Variants in WDPCP observed in about 807,000 individuals in gnomAD.
WDPCP encodes the protein WD repeat-containing and planar cell polarity effector protein fritz homolog.
WDPCP carries 71 observed loss-of-function variants against 93.1 expected under a neutral mutation model. That is an observed-to-expected ratio of 0.76 (90% CI 0.63 to 0.93). The LOEUF is 0.93. Ranked by LOEUF, WDPCP falls within the 40% of genes least tolerant of loss-of-function variation. The pLI, the probability that WDPCP is intolerant of heterozygous loss-of-function variation, is 0.00. For missense variants in WDPCP, 844 were observed against 887.4 expected (o/e 0.95, Z 0.62); for synonymous variants, 315 against 315.0 (o/e 1.00, Z 0.00).
At chr2:63,142,903 CATAT>C (rs1444591881) in intron 17 of WDPCP, among the ~76,000 whole-genome samples, 1 of 141,370 alleles carries the variant, frequency 7.1e-6, no homozygotes, top group East Asian at 2.4e-4. Flanking sequence ...TACACACATA[CATAT>C]ATATACACAT....
chr2:63,597,452 A>C, intron 3 of WDPCP: 1 of 1,503,826 alleles, frequency 6.6e-7, no homozygotes, highest in South Asian at 1.3e-5. Flanking sequence ...GGATGTGGCC[A>C]TTCTTGTGGG....
chr2:63,602,108 G>A (rs72806052), intron 3 of WDPCP, among the ~76,000 whole-genome samples: 29 of 152,288 alleles, frequency 1.9e-4, no homozygotes, highest in Non-Finnish European at 3.7e-4. Context: ...AAGACTTGCA[G>A]GGATTAGATC....
intron 14 of WDPCP, among the ~76,000 whole-genome samples, chr2:63,182,645 T>C (rs72890561): frequency 8.5e-5 from 13 of 152,148 alleles, no homozygotes; most frequent in African/African-American, 2.9e-4. Flanking sequence ...ATCAGAATAA[T>C]ACTGGCTCTG....
At position 63,259,403 on chromosome 2, in the gene WDPCP, G is replaced by A; in HGVS notation, c.1819C>T (p.His607Tyr). ...VGARDLFMDI[H>Y]YLALDKGELA... ...TCACCTTTATCTAGTGCAAGGTAAT[G>A]AATATCCTGAGGAAATAAAGCAAAA... is the stretch of plus-strand genomic sequence containing the variant. Residue 607 changes from histidine to tyrosine, a missense_variant, in exon 14 of 18, where the codon CAT becomes TAT. By Grantham distance (83) the His-to-Tyr change is moderately conservative (BLOSUM62 2). Coordinates refer to ENST00000272321, the MANE Select transcript of WDPCP (RefSeq NM_015910.7). 6.2e-7 allele frequency: 1 copy of A among 1,609,744 alleles called. No homozygotes were observed. Among genetic ancestry groups the A allele is most frequent in the Non-Finnish European group, 8.5e-7 (1 of 1,178,520 alleles).
At position 63,162,413 on chromosome 2, in the gene WDPCP, A is replaced by C. The variant is rs1294951681; in HGVS notation, c.2079-8839T>G. 2.0e-5 allele frequency among the ~76,000 whole-genome samples: 3 copies of C among 152,176 alleles called. No homozygotes were observed. In the East Asian group the frequency reaches 5.8e-4, roughly 29 times the overall value. ...TGGACATTTCTGTAACATCTCTTTC[A>C]TTGACTTCATGAAACATTGTTTTTG... is the stretch of plus-strand genomic sequence containing the variant. On this transcript the variant is annotated intron_variant, in intron 15 of 17. Transcript: ENST00000272321.
At chr2:63,153,019 C>A (rs1482377437) in intron 16 of WDPCP, 74 bp from the exon 17 acceptor site, 1 of 1,241,912 alleles carries the variant, frequency 8.1e-7, no homozygotes, top group African/African-American at 1.5e-5. Flanking sequence ...TTTTACAACA[C>A]TAAAAACAGA....
intron 1 of WDPCP, among the ~76,000 whole-genome samples, chr2:63,509,441 G>C (rs968851669): frequency 6.6e-6 from 1 of 152,162 alleles, no homozygotes; most frequent in Non-Finnish European, 1.5e-5. Context: ...CCAGTGTTTA[G>C]AGGAAAATTT....
At chr2:63,561,262 A>C (rs1300610239) in intron 1 of WDPCP, among the ~76,000 whole-genome samples, 3 of 152,150 alleles carry the variant, frequency 2.0e-5, no homozygotes, top group African/African-American at 4.8e-5. Flanking sequence ...GCGGATCATG[A>C]GGTCAGGAGA....
chr2:63,200,702 T>A (rs1675839437), intron 14 of WDPCP, among the ~76,000 whole-genome samples: 1 of 152,076 alleles, frequency 6.6e-6, no homozygotes, highest in Non-Finnish European at 1.5e-5. Flanking sequence ...TGAGGATGTT[T>A]ATTGGGTACA....
rs756248107 is a variant in WDPCP, at chr2:63,120,191, A to T, written c.*1815T>A. ...ACAAAACCCTATTTTTTTAAATACAATTTTTTCTCTAAAAATTAGTTAACT... is the reference window on the plus strand; with the variant it reads ...ACAAAACCCTATTTTTTTAAATACATTTTTTTCTCTAAAAATTAGTTAACT... On this transcript the variant is annotated 3_prime_UTR_variant, in exon 18 of 18. Transcript: ENST00000272321. Among the ~76,000 whole-genome samples the T allele has an allele frequency of 2.0e-5, 3 of 152,264 alleles. No homozygotes were observed. Among genetic ancestry groups the T allele is most frequent in the East Asian group, 1.9e-4 (1 of 5,190 alleles).
At chr2:63,838,636 A>G in the WDPCP span, among the ~76,000 whole-genome samples, 47 of 152,228 alleles carry the variant, frequency 3.1e-4, no homozygotes, top group African/African-American at 1.1e-3. Context: ...ATTTCTAATG[A>G]TACAGATTAT....
At chr2:63,172,443 G>T (rs1297450308) in intron 15 of WDPCP, among the ~76,000 whole-genome samples, 3 of 152,094 alleles carry the variant, frequency 2.0e-5, no homozygotes, top group Admixed American at 1.3e-4. Context: ...GGGAGGTCAA[G>T]GCTGCAGTAA....
rs576724630 is a variant in WDPCP, at chr2:63,781,519, C to T, written n.308+32103G>A. ...TCAGCATCATTTATTGAGTGCTTAC[C>T]CTAGGCACTGTACAGTCACTATGCT... On this transcript the variant is annotated intron_variant and non_coding_transcript_variant, in intron 2 of 4. Transcript: ENST00000467687. Among the ~76,000 whole-genome samples the T allele has an allele frequency of 3.6e-4, 54 of 152,112 alleles. 1 individual carries two copies. Among genetic ancestry groups the T allele is most frequent in the African/African-American group, 1.2e-3 (51 of 41,474 alleles).
intron 2 of WDPCP, among the ~76,000 whole-genome samples, chr2:63,780,861 C>T (rs1444751677): frequency 1.3e-5 from 2 of 152,112 alleles, no homozygotes; most frequent in Non-Finnish European, 2.9e-5. Flanking sequence ...TGTAATGAAG[C>T]CCTTTTAGAC....
At chr2:63,599,292 A>C (rs373786672) in intron 3 of WDPCP, 72 of 1,609,208 alleles carry the variant, frequency 4.5e-5, no homozygotes, top group Non-Finnish European at 6.1e-5. Context: ...CTAAAGCTCA[A>C]GTAAGAAAAA....
intron 2 of WDPCP, among the ~76,000 whole-genome samples, chr2:63,712,206 G>C (rs1669273518): frequency 6.6e-6 from 1 of 152,224 alleles, no homozygotes; most frequent in South Asian, 2.1e-4. Flanking sequence ...TGTGCCAGCT[G>C]AAAGGATATT....
upstream of WDPCP, among the ~76,000 whole-genome samples, chr2:63,832,492 G>A (rs1575785060): frequency 3.3e-5 from 5 of 152,300 alleles, no homozygotes; most frequent in South Asian, 8.3e-4. Flanking sequence ...AAAGAGCAAG[G>A]GGCACAGGGA....
intron 13 of WDPCP, among the ~76,000 whole-genome samples, chr2:63,303,974 A>G (rs1685527701): frequency 6.6e-6 from 1 of 151,458 alleles, no homozygotes; most frequent in South Asian, 2.1e-4. Context: ...AAAAGTCAAA[A>G]AAAAAAAAAA....
chr2:63,687,561 CAACAAACAGGCATATG>C (rs1668826313), intron 2 of WDPCP, among the ~76,000 whole-genome samples: 1 of 152,094 alleles, frequency 6.6e-6, no homozygotes, highest in African/African-American at 2.4e-5. Flanking sequence ...GACATACAAA[CAACAAACAGGCATATG>C]AAAAGGTGCT....
Sources: allele counts gnomAD v4.1 joint callset (sites outside exome capture counted in the v4.1 genomes callset), GRCh38; gene constraint gnomAD v4.1.1; transcripts MANE v1.5; gene names NCBI Gene and HGNC (gene_info 2026-07-23, HGNC 2026-07-21).